CNTNAP5: variants seen among roughly 807,000 people sequenced by gnomAD.
CNTNAP5 encodes the protein contactin associated protein family member 5.
Under a neutral mutation model 150.2 loss-of-function variants are expected in CNTNAP5, and 72 were observed. The ratio of observed to expected loss-of-function variants is 0.48; its 90% CI spans 0.40 to 0.58. The LOEUF (loss-of-function observed/expected upper bound fraction) is 0.58, where lower values mean the gene tolerates loss of function less well. Among genes scored for constraint, CNTNAP5 ranks in the 20% least tolerant of loss-of-function variants. The pLI is 0.00. For synonymous variants in CNTNAP5, 672 were observed against 619.8 expected (o/e 1.08, Z -1.25); for missense variants, 1,636 against 1,626.2 (o/e 1.01, Z -0.10).
At chr2:124,563,584 G>C (rs756602388) in intron 11 of CNTNAP5, among the ~76,000 whole-genome samples, 5 of 152,186 alleles carry the variant, frequency 3.3e-5, no homozygotes, top group Admixed American at 6.5e-5. Context: ...ATAAGTTTAA[G>C]GTGGAAGCAA....
At chr2:124,297,930 C>T (rs1002225325) in intron 3 of CNTNAP5, among the ~76,000 whole-genome samples, 3 of 151,428 alleles carry the variant, frequency 2.0e-5, no homozygotes, top group East Asian at 1.9e-4. Context: ...CTGCAACCTC[C>T]GCCTCCCGGG....
At chr2:124,865,054 G>A (rs981688870) in intron 19 of CNTNAP5, among the ~76,000 whole-genome samples, 1 of 151,040 alleles carries the variant, frequency 6.6e-6, no homozygotes, top group Non-Finnish European at 1.5e-5. Context: ...TTCTAAACTG[G>A]CATTTTGGTT....
chr2:124,102,792 C>T (rs548664737), intron 1 of CNTNAP5, among the ~76,000 whole-genome samples: 13 of 152,294 alleles, frequency 8.5e-5, no homozygotes, highest in African/African-American at 3.1e-4. Context: ...ATGCCTGCCT[C>T]ACAGCGATGT....
intron 3 of CNTNAP5, among the ~76,000 whole-genome samples, chr2:124,323,750 G>A (rs1489774906): frequency 2.0e-5 from 3 of 152,178 alleles, no homozygotes; most frequent in Non-Finnish European, 4.4e-5. Flanking sequence ...TAACTAGACA[G>A]CTAAGGAAAG....
At chr2:124,036,128 G>A (rs987919427) in intron 1 of CNTNAP5, among the ~76,000 whole-genome samples, 2 of 150,940 alleles carry the variant, frequency 1.3e-5, no homozygotes, top group East Asian at 3.9e-4. Flanking sequence ...GTTTCACCTT[G>A]TTAGCCAGGA....
intron 1 of CNTNAP5, among the ~76,000 whole-genome samples, chr2:124,116,893 A>G (rs1329499782): frequency 6.6e-6 from 1 of 152,228 alleles, no homozygotes; most frequent in Non-Finnish European, 1.5e-5. Flanking sequence ...CCAGTGAGCT[A>G]GAATCCAGGC....
chr2:124,165,968 G>A (rs746155058), intron 1 of CNTNAP5, among the ~76,000 whole-genome samples: 25 of 152,130 alleles, frequency 1.6e-4, no homozygotes, highest in Non-Finnish European at 2.1e-4. Flanking sequence ...CACCCAGCCC[G>A]CTCATTCATC....
chr2:124,635,219 C>A (rs950183619), intron 12 of CNTNAP5, among the ~76,000 whole-genome samples: 2 of 152,148 alleles, frequency 1.3e-5, no homozygotes, highest in African/African-American at 4.8e-5. Context: ...GCAGGCATGA[C>A]TTACATGGTG....
chr2:124,328,403 T>C (rs1043591596), intron 3 of CNTNAP5, among the ~76,000 whole-genome samples: 1 of 152,216 alleles, frequency 6.6e-6, no homozygotes, highest in African/African-American at 2.4e-5. Context: ...TGCTTCTTAC[T>C]CAGAATTATT....
intron 3 of CNTNAP5, among the ~76,000 whole-genome samples, chr2:124,402,658 T>C (rs1194964173): frequency 6.6e-6 from 1 of 152,204 alleles, no homozygotes; most frequent in Non-Finnish European, 1.5e-5. Context: ...ACAACAGGAT[T>C]CTTAGACAGC....
intron 1 of CNTNAP5, among the ~76,000 whole-genome samples, chr2:124,105,611 T>G (rs549859496): frequency 1.3e-5 from 2 of 152,362 alleles, no homozygotes; most frequent in African/African-American, 4.8e-5. Context: ...TTTTAAAATT[T>G]TAACTGTTAT....
intron 5 of CNTNAP5, among the ~76,000 whole-genome samples, chr2:124,436,320 G>C (rs142471657): frequency 6.6e-6 from 1 of 152,138 alleles, no homozygotes; most frequent in African/African-American, 2.4e-5. Context: ...TACATTCATG[G>C]TGTGAATGGT....
In CNTNAP5 at chr2:124,837,341, A is replaced by G. The variant is rs565972841; in HGVS notation, c.3218-27965A>G. Among the ~76,000 whole-genome samples, 4 of 152,266 alleles carry G rather than the reference A, an allele frequency of 2.6e-5. 1 individual carries two copies. Among genetic ancestry groups the G allele is most frequent in the African/African-American group, 9.6e-5 (4 of 41,582 alleles). ...CTTTCTACTAAATCTTGACTATGAG[A>G]AATCCTCATTAATCAACAAAAAGAT... On this transcript the variant is annotated intron_variant, in intron 19 of 23. Coordinates refer to ENST00000682447, the MANE Select transcript of CNTNAP5 (RefSeq NM_001367498.1).
chr2:124,786,428 AAGGAAGGAAG>A (rs1681587237), intron 17 of CNTNAP5, among the ~76,000 whole-genome samples: 4 of 119,822 alleles, frequency 3.3e-5, no homozygotes, highest in African/African-American at 1.5e-4. Flanking sequence ...GGAAGGAAGG[AAGGAAGGAAG>A]GAAGGAAGGA....
At chr2:124,362,264 C>T (rs1044473861) in intron 3 of CNTNAP5, among the ~76,000 whole-genome samples, 64 of 152,338 alleles carry the variant, frequency 4.2e-4, no homozygotes, top group African/African-American at 1.2e-3. Context: ...AGAAATCACC[C>T]GTCTTCTGCG....
chr2:124,907,535 A>G (rs544932123), intron 22 of CNTNAP5, among the ~76,000 whole-genome samples: 1 of 148,360 alleles, frequency 6.7e-6, no homozygotes, highest in Admixed American at 6.8e-5. Context: ...ATATATAGAT[A>G]TAGAATATAT....
chr2:124,507,187 G>A (rs1325144566), intron 8 of CNTNAP5, among the ~76,000 whole-genome samples: 4 of 152,080 alleles, frequency 2.6e-5, no homozygotes, highest in Non-Finnish European at 4.4e-5. Flanking sequence ...GGCCAGGCAC[G>A]GTGGCTCACA....
chr2:124,162,458 AC>A (rs1490200764), intron 1 of CNTNAP5, among the ~76,000 whole-genome samples: 2 of 152,182 alleles, frequency 1.3e-5, no homozygotes, highest in Non-Finnish European at 2.9e-5. Flanking sequence ...TGGACTTTAC[AC>A]CCACACAAAG....
intron 4 of CNTNAP5, among the ~76,000 whole-genome samples, chr2:124,427,510 G>A (rs1362143897): frequency 6.6e-6 from 1 of 152,064 alleles, no homozygotes; most frequent in Non-Finnish European, 1.5e-5. Context: ...AGGCTAGAGT[G>A]CAGTGACACA....
Sources: allele counts gnomAD v4.1 joint callset (sites outside exome capture counted in the v4.1 genomes callset), GRCh38; gene constraint gnomAD v4.1.1; transcripts MANE v1.5; gene names NCBI Gene and HGNC (gene_info 2026-07-23, HGNC 2026-07-21).